TDRD6: variants seen among roughly 807,000 people sequenced by gnomAD.
The protein encoded by TDRD6 is tudor domain-containing protein 6.
A neutral mutation model predicts 157.5 loss-of-function variants in TDRD6; 186 were observed. That is an observed-to-expected ratio of 1.18 (90% CI 1.05 to 1.33). The LOEUF (loss-of-function observed/expected upper bound fraction) is 1.33. Ranked by LOEUF, TDRD6 falls within the 40% of genes most tolerant of loss-of-function variation. The pLI is 0.00. For missense variants in TDRD6, 3,066 were observed against 2,508.0 expected (o/e 1.22, Z -4.75); for synonymous variants, 1,075 against 945.2 (o/e 1.14, Z -2.52).
In TDRD6 at chr6:46,691,324, G is replaced by C. The variant is rs1279445775; in HGVS notation, c.3196G>C (p.Asp1066His). 3 of 1,614,058 alleles carry C rather than the reference G, an allele frequency of 1.9e-6. No homozygotes were observed. The highest frequency in any genetic ancestry group is 2.5e-6 in the Non-Finnish European group (3 of 1,179,956). ...AGAGCCAAAGAAAGTCTTCTTTGTT[G>C]ATTTTGGGAATATTTATGTAGTAAC... ...EKEPKKVFFV[D>H]FGNIYVVTSD... Residue 1066 changes from aspartate to histidine, a missense_variant, in exon 1 of 4, where the codon GAT (aspartate) becomes CAT (histidine). By Grantham distance (81) the Asp-to-His change is moderately conservative. Transcript: ENST00000316081.
At position 46,689,973 on chromosome 6, in the gene TDRD6, G is replaced by A. The variant is rs1331706364; in HGVS notation, c.1845G>A (p.Glu615=). The A allele has an allele frequency of 6.2e-7, 1 of 1,613,438 alleles. No individual in the cohort carries two copies. Among genetic ancestry groups the A allele is most frequent in the African/African-American group, 1.3e-5 (1 of 74,814 alleles). The part of the protein sequence containing the change: ...IWPLGKTWSQ[E]AVSFFKKTVL... ...CTTTGGGAAAAACTTGGAGCCAGGA[G>A]GCAGTTTCCTTTTTTAAAAAGACTG... Residue 615 remains glutamate (E), a synonymous_variant, in exon 1 of 4, where the codon GAG becomes GAA. Transcript: ENST00000316081.
Position 46,693,089 on chromosome 6 carries a change from T to A in TDRD6, c.4961T>A (p.Phe1654Tyr). 1 of 1,613,918 alleles carries A rather than the reference T, an allele frequency of 6.2e-7. No homozygotes were observed. Among genetic ancestry groups the A allele is most frequent in the South Asian group, 1.1e-5 (1 of 91,014 alleles). Residue 1654 changes from phenylalanine to tyrosine, a missense_variant, in exon 1 of 4, where the codon TTC becomes TAC. Physicochemically the swap from Phe to Tyr is conservative, Grantham distance 22 (BLOSUM62 3). Coordinates refer to ENST00000316081, the MANE Select transcript of TDRD6 (RefSeq NM_001010870.3). ...GLCSQEGNDYFYEIITEDVLE... is the reference protein window; with the variant it reads ...GLCSQEGNDYYYEIITEDVLE... The stretch of plus-strand genomic sequence containing the variant: ...TGTTCTCAAGAGGGAAATGACTATT[T>A]CTATGAAATAATAACAGAAGATGTG...
chr6:46,685,368 A>T (rs368067473), upstream of TDRD6, among the ~76,000 whole-genome samples: 14 of 152,350 alleles, frequency 9.2e-5, no homozygotes, highest in East Asian at 9.6e-4. Flanking sequence ...TGTAAAGTAT[A>T]CTGCATTTCT....
rs1325786333 is a variant in TDRD6 at position 46,692,114 on chromosome 6, C to A, written c.3986C>A (p.Ala1329Asp). ...TATGTTCAACTAATAGAAGATGAAG[C>A]TGAAATTAGTCATCTTTCAGAGAGA... The part of the protein sequence containing the change: ...DFYVQLIEDE[A>D]EISHLSERLN... Residue 1329 changes from alanine to aspartate, a missense_variant, in exon 1 of 4, where the codon GCT becomes GAT. By Grantham distance (126) the Ala-to-Asp change is moderately radical. Coordinates refer to ENST00000316081, the MANE Select transcript of TDRD6 (RefSeq NM_001010870.3). 3.7e-6 allele frequency: 6 copies of A among 1,613,350 alleles called. No individual in the cohort carries two copies. The East Asian group carries it at 1.3e-4, about 36-fold the overall frequency.
rs779560924 is a variant in TDRD6, at chr6:46,693,441, T to G, written c.5313T>G (p.Pro1771=). 6.2e-7 allele frequency: 1 copy of G among 1,614,022 alleles called. No homozygotes were observed. Among genetic ancestry groups the G allele is most frequent in the East Asian group, 2.2e-5 (1 of 44,874 alleles). The change falls in exon 1 of 4, where the codon CCT becomes CCG. Residue 1771 remains proline, a synonymous_variant. Coordinates refer to ENST00000316081, the MANE Select transcript of TDRD6 (RefSeq NM_001010870.3). ...IGTKPSNFRD[P]KTDNICEGFE... is the part of the protein sequence containing the mutation. The stretch of plus-strand genomic sequence containing the variant: ...CCAAACCAAGTAACTTCCGTGACCC[T>G]AAAACTGATAACATTTGTGAAGGGT...
rs763617851 is a variant in TDRD6, at chr6:46,688,991, G to T, written c.863G>T (p.Arg288Leu). 1 of 1,613,630 alleles carries T rather than the reference G, an allele frequency of 6.2e-7. No homozygotes were observed. Among genetic ancestry groups the T allele is most frequent in the Admixed American group, 1.7e-5 (1 of 59,990 alleles). Residue 288 changes from arginine to leucine, a missense_variant, in exon 1 of 4, where the codon CGG (arginine) becomes CTG (leucine). Physicochemically the swap from Arg to Leu is moderately radical, Grantham distance 102. Transcript: ENST00000316081. ...RLSESMAQVY[R>L]GSTGTGDENS... ...TCCGAGAGCATGGCCCAGGTATACC[G>T]GGGTTCCACGGGGACAGGGGATGAG...
chr6:46,690,538 G>C lies in TDRD6; in HGVS notation c.2410G>C (p.Asp804His). 1 of 1,614,176 alleles carries C rather than the reference G, an allele frequency of 6.2e-7. No homozygotes were observed. The highest frequency in any genetic ancestry group is 8.5e-7 in the Non-Finnish European group (1 of 1,180,038). Residue 804 changes from aspartate to histidine, a missense_variant, in exon 1 of 4, where the codon GAT becomes CAT. Coordinates refer to ENST00000316081, the MANE Select transcript of TDRD6 (RefSeq NM_001010870.3). ...NIQGLKTLMS[D>H]IQYYCKNTAA... is the part of the protein sequence containing the mutation. ...ACAAGGACTTAAAACTCTAATGTCT[G>C]ATATTCAGTACTATTGCAAAAATAC...
At chr6:46,700,503 T>A (rs1003582247) in intron 3 of TDRD6, among the ~76,000 whole-genome samples, 2 of 152,158 alleles carry the variant, frequency 1.3e-5, no homozygotes, top group Non-Finnish European at 2.9e-5. Context: ...TTTAAAAAAA[T>A]GGTTTCTTAT....
At position 46,688,566 on chromosome 6, in the gene TDRD6, G is replaced by T. The variant is rs747536212; in HGVS notation, c.438G>T (p.Pro146=). The T allele has an allele frequency of 6.3e-7, 1 of 1,589,962 alleles. No homozygotes were observed. The highest frequency in any genetic ancestry group is 1.1e-5 in the South Asian group (1 of 90,050). The change falls in exon 1 of 4, where the codon CCG becomes CCT. Residue 146 remains proline (P), a synonymous_variant. Transcript: ENST00000316081. ...PAGCGAGSGE[P]PQHWPADAVD... ...GCTGCGGCGCGGGCTCAGGCGAGCC[G>T]CCGCAGCACTGGCCCGCCGACGCCG...
Position 46,691,115 on chromosome 6 carries a change from A to T in TDRD6, c.2987A>T (p.Asp996Val), listed in dbSNP as rs1032827144. 1.5e-5 allele frequency: 25 copies of T among 1,613,898 alleles called. No individual in the cohort carries two copies. The highest frequency in any genetic ancestry group is 1.9e-5 in the Non-Finnish European group (23 of 1,179,946). The change falls in exon 1 of 4, where the codon GAT becomes GTT. Residue 996 changes from aspartate to valine, a missense_variant. Asp to Val is a radical substitution (Grantham distance 152). Transcript: ENST00000316081. ...GAATTAGTTTATATAACGCATATTGATGACCCTTGGACATTTTATTGCCAG... is the reference window on the plus strand; with the variant it reads ...GAATTAGTTTATATAACGCATATTGTTGACCCTTGGACATTTTATTGCCAG... Reference protein sequence around the residue: ...SEELVYITHIDDPWTFYCQLA... With the variant: ...SEELVYITHIVDPWTFYCQLA...
chr6:46,691,596 G>C lies in TDRD6; in HGVS notation c.3468G>C (p.Leu1156Phe). 1 of 1,613,310 alleles carries C rather than the reference G, an allele frequency of 6.2e-7. No homozygotes were observed. The highest frequency in any genetic ancestry group is 8.5e-7 in the Non-Finnish European group (1 of 1,179,590). ...IQISASINKK[L>F]GLLSYKDRIR... ...TTAGTGCTAGTATTAATAAGAAGTT[G>C]GGGCTACTTAGTTACAAAGATAGAA... Residue 1156 changes from leucine (L) to phenylalanine (F), a missense_variant, in exon 1 of 4, where the codon TTG (leucine) becomes TTC (phenylalanine). Coordinates refer to ENST00000316081, the MANE Select transcript of TDRD6 (RefSeq NM_001010870.3).
At chr6:46,701,618 T>C (rs1347392516) in intron 3 of TDRD6, among the ~76,000 whole-genome samples, 1 of 152,108 alleles carries the variant, frequency 6.6e-6, no homozygotes, top group Non-Finnish European at 1.5e-5. Context: ...AAATATAAAA[T>C]ATGCCAATTT....
chr6:46,680,793 G>T, the TDRD6 span, among the ~76,000 whole-genome samples: 1 of 152,056 alleles, frequency 6.6e-6, no homozygotes, highest in African/African-American at 2.4e-5. Context: ...CACTATACTT[G>T]CTGCTTTTCT....
the TDRD6 span, among the ~76,000 whole-genome samples, chr6:46,680,339 AAAAAG>A: frequency 3.9e-5 from 6 of 152,022 alleles, no homozygotes; most frequent in African/African-American, 1.2e-4. Flanking sequence ...AGAAAAAAAA[AAAAAG>A]AAAAGCTGAA....
Position 46,688,094 on chromosome 6 carries a change from AT to A in TDRD6, c.-32del. On this transcript the variant is annotated 5_prime_UTR_variant, in exon 1 of 4. Transcript: ENST00000316081. ...TCGAGGCCCTGAGGCGCGGCCCTTA[AT>A]TTCCGGAAGTGGGGGCCGCGCCGCG... is the stretch of plus-strand genomic sequence containing the variant. 6.9e-7 allele frequency: 1 copy of A among 1,444,602 alleles called. No homozygotes were observed. Among genetic ancestry groups the A allele is most frequent in the Non-Finnish European group, 9.0e-7 (1 of 1,108,568 alleles). The allele number at this position is 1,444,602 out of a possible 1,614,324, so 89.5% of individuals were successfully genotyped here.
In TDRD6 at chr6:46,690,485, A is replaced by G. The variant is rs1219362330; in HGVS notation, c.2357A>G (p.Tyr786Cys). Residue 786 changes from tyrosine (Y) to cysteine (C), a missense_variant, in exon 1 of 4, where the codon TAT (tyrosine) becomes TGT (cysteine). Coordinates refer to ENST00000316081, the MANE Select transcript of TDRD6 (RefSeq NM_001010870.3). The part of the protein sequence containing the change: ...VRVSYVENPG[Y>C]FWCQLTRNIQ... ...GTGTCTTATGTTGAAAACCCTGGCTATTTCTGGTGTCAGCTGACCAGGAAC... is the reference window on the plus strand; with the variant it reads ...GTGTCTTATGTTGAAAACCCTGGCTGTTTCTGGTGTCAGCTGACCAGGAAC... 1.9e-6 allele frequency: 3 copies of G among 1,613,954 alleles called. No homozygotes were observed. The highest frequency in any genetic ancestry group is 2.5e-6 in the Non-Finnish European group (3 of 1,179,952).
At position 46,689,025 on chromosome 6, in the gene TDRD6, C is replaced by T. The variant is rs1229423116; in HGVS notation, c.897C>T (p.Thr299=). 1.9e-6 allele frequency: 3 copies of T among 1,613,794 alleles called. No individual in the cohort carries two copies. The highest frequency in any genetic ancestry group is 4.5e-5 in the East Asian group (2 of 44,876). ...GSTGTGDENS[T]SATWEEREES... ...CGGGGACAGGGGATGAGAACTCTAC[C>T]AGTGCCACCTGGGAGGAGAGGGAGG... is the stretch of plus-strand genomic sequence containing the variant. Residue 299 remains threonine, a synonymous_variant, in exon 1 of 4, where the codon ACC becomes ACT. Transcript: ENST00000316081.
chr6:46,687,878 T>G (rs2150674680), upstream of TDRD6: 1 of 485,890 alleles, frequency 2.1e-6, no homozygotes, highest in Non-Finnish European at 3.5e-6. Flanking sequence ...CCGAGTGAGG[T>G]AAATGCGTGC....
At position 46,691,227 on chromosome 6, in the gene TDRD6, C is replaced by T; in HGVS notation, c.3099C>T (p.Pro1033=). Residue 1033 remains proline, a synonymous_variant, in exon 1 of 4, where the codon CCC becomes CCT. Coordinates refer to ENST00000316081, the MANE Select transcript of TDRD6 (RefSeq NM_001010870.3). ...TTTTGCTGAATTTAAAAACATCTCC[C>T]TTGAACCCTGGAACCTTGTGCCTTG... ...SKVLLNLKTS[P]LNPGTLCLAK... 1 of 1,613,972 alleles carries T rather than the reference C, an allele frequency of 6.2e-7. No homozygotes were observed. Among genetic ancestry groups the T allele is most frequent in the Non-Finnish European group, 8.5e-7 (1 of 1,179,926 alleles).
Sources: gnomAD v4.1 joint callset for allele counts (sites outside exome capture counted in the v4.1 genomes callset) on GRCh38, gnomAD v4.1.1 for gene constraint, MANE v1.5 for transcripts, NCBI Gene and HGNC (gene_info 2026-07-23, HGNC 2026-07-21) for gene names.